SERTAD1: variants seen among roughly 807,000 people sequenced by gnomAD.
SERTAD1 encodes the protein SERTA domain containing 1, also known as SERTA domain-containing protein 1.
A neutral mutation model predicts 11.7 loss-of-function variants in SERTAD1; 5 were observed. The observed-to-expected ratio is 0.43, with a 90% CI of 0.22 to 0.90. The LOEUF (loss-of-function observed/expected upper bound fraction) is 0.90. Ranked by LOEUF, SERTAD1 falls within the 40% of genes least tolerant of loss-of-function variation. The probability of loss-of-function intolerance (pLI) is 0.27; values close to 1 mark genes in which losing one functional copy is unlikely to be tolerated. For synonymous variants in SERTAD1, 139 were observed against 141.4 expected (o/e 0.98, Z 0.12); for missense variants, 287 against 313.9 (o/e 0.91, Z 0.65).
intron 1 of SERTAD1, among the ~76,000 whole-genome samples, chr19:40,424,103 G>T (rs1472624866): frequency 6.6e-6 from 1 of 151,806 alleles, no homozygotes; most frequent in Non-Finnish European, 1.5e-5. Context: ...TAAAGATGGG[G>T]TCTCACTATA....
rs1196082541 is a variant in SERTAD1, at chr19:40,422,024, G to A, written c.*812C>T. 4 of 151,930 alleles carry A rather than the reference G, an allele frequency of 2.6e-5. No homozygotes were observed. Among genetic ancestry groups the A allele is most frequent in the Non-Finnish European group, 5.9e-5 (4 of 68,014 alleles). The allele number at this position is 151,930 out of a possible 1,614,324, so 9.4% of individuals were successfully genotyped here. A position where few individuals can be genotyped will look rare whatever the true frequency, so the allele number is the denominator to read the frequency against. On this transcript the variant is annotated 3_prime_UTR_variant, in exon 2 of 2. Transcript: ENST00000357949. ...TTAGTCGGTCCCAGCTAATTGGGAG[G>A]CCGAGGCAGGAGAATCGTTTGAACC...
chr19:40,424,380 A>AT (rs1483206704), intron 1 of SERTAD1, among the ~76,000 whole-genome samples: 1 of 152,036 alleles, frequency 6.6e-6, no homozygotes, highest in Non-Finnish European at 1.5e-5. Flanking sequence ...AATGGCCAAT[A>AT]TTCAACTTTT....
chr19:40,423,686 A>G, intron 1 of SERTAD1, 140 bp from the exon 2 acceptor site: 1 of 579,270 alleles, frequency 1.7e-6, no homozygotes, highest in South Asian at 2.3e-5. Context: ...TTCTTAGGGA[A>G]CTTTAAAGAT....
At chr19:40,423,891 T>C (rs2079607652) in intron 1 of SERTAD1, among the ~76,000 whole-genome samples, 1 of 152,086 alleles carries the variant, frequency 6.6e-6, no homozygotes, top group Non-Finnish European at 1.5e-5. Context: ...CACACCCGGC[T>C]AATTTTTATA....
At position 40,423,112 on chromosome 19, in the gene SERTAD1, G is replaced by A. The variant is rs747793204; in HGVS notation, c.435C>T (p.Ile145=). The change falls in exon 2 of 2, where the codon ATC becomes ATT. Residue 145 remains isoleucine (I), a synonymous_variant. Coordinates refer to ENST00000357949, the MANE Select transcript of SERTAD1 (RefSeq NM_013376.4). ...LADEGPPGRS[I]GGAAPSLGAL... The stretch of plus-strand genomic sequence containing the variant: ...CACCCAGGCTGGGCGCTGCTCCCCC[G>A]ATGCTACGGCCTGGTGGCCCCTCGT... 5.0e-6 allele frequency: 8 copies of A among 1,599,512 alleles called. No individual in the cohort carries two copies. Among genetic ancestry groups the A allele is most frequent in the East Asian group, 2.3e-5 (1 of 44,172 alleles).
Position 40,423,437 on chromosome 19 carries a change from G to T in SERTAD1, c.110C>A (p.Pro37His), listed in dbSNP as rs2079605994. ...DPGHTAVAQAPPAVASSSLFD... is the reference protein window; with the variant it reads ...DPGHTAVAQAHPAVASSSLFD... ...GAGGGAGCTAGAGGCCACGGCCGGG[G>T]GTGCCTGTGCCACCGCTGTGTGGCC... The change falls in exon 2 of 2, where the codon CCC (proline) becomes CAC (histidine). Residue 37 changes from proline (P) to histidine (H), a missense_variant. Physicochemically the swap from Pro to His is moderately conservative, Grantham distance 77. Coordinates refer to ENST00000357949, the MANE Select transcript of SERTAD1 (RefSeq NM_013376.4). 2 of 1,613,126 alleles carry T rather than the reference G, an allele frequency of 1.2e-6. No homozygotes were observed. Among genetic ancestry groups the T allele is most frequent in the East Asian group, 2.2e-5 (1 of 44,898 alleles).
At position 40,425,987 on chromosome 19, in the gene SERTAD1, A is replaced by C. The variant is rs371739591; in HGVS notation, c.-121T>G. 6.6e-6 allele frequency: 1 copy of C among 152,246 alleles called. No homozygotes were observed. The highest frequency in any genetic ancestry group is 2.1e-4 in the South Asian group (1 of 4,834). The allele number at this position is 152,246 out of a possible 1,614,324, so 9.4% of individuals were successfully genotyped here. On this transcript the variant is annotated 5_prime_UTR_variant, in exon 1 of 2. Coordinates refer to ENST00000357949, the MANE Select transcript of SERTAD1 (RefSeq NM_013376.4). ...AACCCGCGCCTGGGTCGCGAGACGCAGTTCTGACTCCGGCTCACGACTCCA... is the reference window on the plus strand; with the variant it reads ...AACCCGCGCCTGGGTCGCGAGACGCCGTTCTGACTCCGGCTCACGACTCCA...
At chr19:40,424,996 T>G (rs987327995) in intron 1 of SERTAD1, among the ~76,000 whole-genome samples, 6 of 151,940 alleles carry the variant, frequency 3.9e-5, no homozygotes, top group East Asian at 1.9e-4. Context: ...AGGAAGACTG[T>G]GGGGGGCAAA....
chr19:40,422,783 G>A lies in SERTAD1; in HGVS notation c.*53C>T, dbSNP rs2145756829. ...AGCTGTGTCTTTTCGAGGACAGTTG[G>A]TCCAGCCAGCAGGCTCAGTTCAGAT... On this transcript the variant is annotated 3_prime_UTR_variant, in exon 2 of 2. Coordinates refer to ENST00000357949, the MANE Select transcript of SERTAD1 (RefSeq NM_013376.4). 6.6e-7 allele frequency: 1 copy of A among 1,505,788 alleles called. No homozygotes were observed. The highest frequency in any genetic ancestry group is 2.1e-5 in the Admixed American group (1 of 47,046). The allele number at this position is 1,505,788 out of a possible 1,614,324, so 93.3% of individuals were successfully genotyped here. A position where few individuals can be genotyped will look rare whatever the true frequency, so the allele number is the denominator to read the frequency against.
chr19:40,425,727 C>A (rs2079614410), intron 1 of SERTAD1, 140 bp downstream of exon 1: 1 of 152,166 alleles, frequency 6.6e-6, no homozygotes, highest in Non-Finnish European at 1.5e-5. Flanking sequence ...CCGGCCCGGC[C>A]GGGGCAGACA....
rs755104501 is a variant in SERTAD1 at position 40,423,481 on chromosome 19, G to T, written c.66C>A (p.Asp22Glu). Residue 22 changes from aspartate to glutamate, a missense_variant, in exon 2 of 2, where the codon GAC (aspartate) becomes GAA (glutamate). By Grantham distance (45) the Asp-to-Glu change is conservative. Transcript: ENST00000357949. ...TGTGGCCAGGATCTAGCCACCAGGA[G>T]TCGACTGCCAGAGGTTCCTTCTCCT... is the stretch of plus-strand genomic sequence containing the variant. Reference protein sequence around the residue: ...EEEEKEPLAVDSWWLDPGHTA... With the variant: ...EEEEKEPLAVESWWLDPGHTA... The T allele has an allele frequency of 4.3e-6, 7 of 1,612,788 alleles. No homozygotes were observed. In the African/African-American group the frequency reaches 9.3e-5, roughly 22 times the overall value.
At chr19:40,425,267 G>A (rs572781967) in intron 1 of SERTAD1, among the ~76,000 whole-genome samples, 27 of 151,952 alleles carry the variant, frequency 1.8e-4, no homozygotes, top group Admixed American at 1.3e-3. Flanking sequence ...CTACTTTTTT[G>A]GGCCAGGAAG....
Position 40,422,118 on chromosome 19 carries a change from T to C in SERTAD1, c.*718A>G, listed in dbSNP as rs1363182834. 6.8e-6 allele frequency: 1 copy of C among 146,536 alleles called. No homozygotes were observed. Among genetic ancestry groups the C allele is most frequent in the East Asian group, 2.0e-4 (1 of 5,058 alleles). 9.1% of individuals were successfully genotyped at this position (146,536 alleles called of 1,614,324 possible). On this transcript the variant is annotated 3_prime_UTR_variant, in exon 2 of 2. Transcript: ENST00000357949. ...TCCAGCCTGGGCGACAGAGTAAGAA[T>C]CTGTCTTAAAAAAAAAAGAAAGAAA...
Position 40,422,556 on chromosome 19 carries a change from C to T in SERTAD1, c.*280G>A, listed in dbSNP as rs978733758. 1.7e-5 allele frequency: 7 copies of T among 406,868 alleles called. No individual in the cohort carries two copies. The highest frequency in any genetic ancestry group is 8.4e-5 in the Admixed American group (2 of 23,906). 25.2% of individuals were successfully genotyped at this position (406,868 alleles called of 1,614,324 possible). A position where few individuals can be genotyped will look rare whatever the true frequency, so the allele number is the denominator to read the frequency against. On this transcript the variant is annotated 3_prime_UTR_variant, in exon 2 of 2. Transcript: ENST00000357949. ...GAAAAATCTGATTGGGGTCTCTTCC[C>T]GTATCAGAGAAGGAACAGCCCAAGC...
rs887429526 is a variant in SERTAD1 at position 40,422,242 on chromosome 19, C to CGA, written c.*592_*593dup. 4.8e-5 allele frequency: 7 copies of CGA among 145,038 alleles called. No individual in the cohort carries two copies. The highest frequency in any genetic ancestry group is 1.8e-4 in the African/African-American group (7 of 39,056). 9.0% of individuals were successfully genotyped at this position (145,038 alleles called of 1,614,324 possible). On this transcript the variant is annotated 3_prime_UTR_variant, in exon 2 of 2. Coordinates refer to ENST00000357949, the MANE Select transcript of SERTAD1 (RefSeq NM_013376.4). Reference sequence around the variant, plus strand: ...CTGTACTTCAACCTGGGTGACAGAGCGAGACCCTATCTCAAAAAAAAAAAA... The same window carrying CGA: ...CTGTACTTCAACCTGGGTGACAGAGCGAGAGACCCTATCTCAAAAAAAAAAAA...
chr19:40,424,496 T>C (rs1382924950), intron 1 of SERTAD1, among the ~76,000 whole-genome samples: 1 of 152,174 alleles, frequency 6.6e-6, no homozygotes, highest in African/African-American at 2.4e-5. Context: ...TAGTTTAATA[T>C]TTATTGTCTA....
chr19:40,423,419 C>A lies in SERTAD1; in HGVS notation c.128G>T (p.Ser43Ile). 6.2e-7 allele frequency: 1 copy of A among 1,613,346 alleles called. No homozygotes were observed. Among genetic ancestry groups the A allele is most frequent in the Non-Finnish European group, 8.5e-7 (1 of 1,180,040 alleles). The change falls in exon 2 of 2, where the codon AGC becomes ATC. Residue 43 changes from serine (S) to isoleucine (I), a missense_variant. Transcript: ENST00000357949. ...GAGCACTGAGAGGTCAAAGAGGGAG[C>A]TAGAGGCCACGGCCGGGGGTGCCTG... ...VAQAPPAVASSSLFDLSVLKL... is the reference protein window; with the variant it reads ...VAQAPPAVASISLFDLSVLKL...
At chr19:40,423,614 G>T in intron 1 of SERTAD1, 68 bp from the exon 2 acceptor site, 1 of 1,033,246 alleles carries the variant, frequency 9.7e-7, no homozygotes, top group Non-Finnish European at 1.4e-6. Context: ...TCAAAGCCTG[G>T]ATCTGACAGT....
Position 40,423,096 on chromosome 19 carries a change from TG to T in SERTAD1, c.450del (p.Ser151AlafsTer131). The T allele has an allele frequency of 6.3e-7, 1 of 1,594,288 alleles. No individual in the cohort carries two copies. Among genetic ancestry groups the T allele is most frequent in the Non-Finnish European group, 8.5e-7 (1 of 1,170,990 alleles). On this transcript the variant is annotated frameshift_variant, in exon 2 of 2. Coordinates refer to ENST00000357949, the MANE Select transcript of SERTAD1 (RefSeq NM_013376.4). LOFTEE classifies it high-confidence loss of function. ...CCCAGCAGGTCCAAGGCACCCAGGC[TG>T]GGCGCTGCTCCCCCGATGCTACGGC... ...PPGRSIGGAAPSLGALDLLGP... is the reference protein window; with the variant it reads ...PPGRSIGGAAXSLGALDLLGP...
Sources: gnomAD v4.1 joint callset for allele counts (sites outside exome capture counted in the v4.1 genomes callset) on GRCh38, gnomAD v4.1.1 for gene constraint, MANE v1.5 for transcripts, NCBI Gene and HGNC (gene_info 2026-07-23, HGNC 2026-07-21) for gene names.